The following TMEM268 variants were observed in gnomAD, a reference collection of about 807,000 sequenced individuals.
TMEM268 encodes the protein transmembrane protein 268.
A neutral mutation model predicts 39.1 loss-of-function variants in TMEM268; 24 were observed. The ratio of observed to expected loss-of-function variants is 0.61; its 90% CI spans 0.44 to 0.86. TMEM268 has a LOEUF of 0.86. TMEM268 is among the 40% of genes least tolerant of loss of function. The pLI is 0.00. For missense variants in TMEM268, 409 were observed against 428.6 expected (o/e 0.95, Z 0.40); for synonymous variants, 176 against 173.5 (o/e 1.01, Z -0.12).
intron 5 of TMEM268, among the ~76,000 whole-genome samples, chr9:114,631,318 T>C (rs1846389842): frequency 6.9e-6 from 1 of 144,974 alleles, no homozygotes; most frequent in Non-Finnish European, 1.5e-5. Flanking sequence ...ATTGGCTGGT[T>C]TGTAAAGGCA....
Position 114,628,640 on chromosome 9 carries a change from G to T in TMEM268, c.474+390G>T, listed in dbSNP as rs191573195. Among the ~76,000 whole-genome samples, 202 of 152,246 alleles carry T rather than the reference G, an allele frequency of 1.3e-3. 1 individual carries two copies. The highest frequency in any genetic ancestry group is 6.8e-3 in the Middle Eastern group (2 of 294). Reference sequence around the variant, plus strand: ...ACAGGGTGCCTAAAGTTGACGTCTGGGGAGAGGTAATTTACATTATTCCCT... The same window carrying T: ...ACAGGGTGCCTAAAGTTGACGTCTGTGGAGAGGTAATTTACATTATTCCCT... On this transcript the variant is annotated intron_variant, in intron 5 of 8. Coordinates refer to ENST00000288502, the MANE Select transcript of TMEM268 (RefSeq NM_153045.4).
chr9:114,624,019 A>C (rs1846050196), intron 2 of TMEM268: 1 of 229,564 alleles, frequency 4.4e-6, no homozygotes, highest in Non-Finnish European at 8.7e-6. Context: ...TCTCTGTTTA[A>C]ATATTCCTTG....
chr9:114,625,443 C>CTTT (rs34082825), intron 3 of TMEM268, among the ~76,000 whole-genome samples: 3 of 121,742 alleles, frequency 2.5e-5, no homozygotes, highest in African/African-American at 6.2e-5. Flanking sequence ...ACTTCTTCTT[C>CTTT]TTTTTTTTTT....
At chr9:114,634,649 C>G (rs1376610460) in intron 6 of TMEM268, among the ~76,000 whole-genome samples, 5 of 152,180 alleles carry the variant, frequency 3.3e-5, no homozygotes, top group Admixed American at 2.6e-4. Context: ...AGTCATGGCC[C>G]CTTGCCTGGT....
intron 2 of TMEM268, among the ~76,000 whole-genome samples, chr9:114,619,288 C>T (rs73656159): frequency 0.059 from 6,800 of 115,140 alleles, 261 homozygotes; most frequent in African/African-American, 0.14. Flanking sequence ...CGTGCGTGCA[C>T]GCGTGCACAC....
chr9:114,636,877 C>T, intron 6 of TMEM268, 113 bp from the exon 7 acceptor site: 3 of 676,944 alleles, frequency 4.4e-6, no homozygotes, highest in Admixed American at 2.2e-5. Context: ...TGTCATGGTG[C>T]CAAATGGCAC....
intron 5 of TMEM268, among the ~76,000 whole-genome samples, chr9:114,629,556 C>T (rs910657404): frequency 3.9e-5 from 6 of 152,228 alleles, no homozygotes; most frequent in South Asian, 2.1e-4. Flanking sequence ...TAAATTTCAT[C>T]GGTGGCTTTA....
Position 114,624,465 on chromosome 9 carries a change from T to C in TMEM268, c.216+6T>C, listed in dbSNP as rs1185892164. Reference sequence around the variant, plus strand: ...TGCAAACTTGGGGCATCCAGGTGAGTGCTGATTTCCTTGAATCCCTACCAT... The same window carrying C: ...TGCAAACTTGGGGCATCCAGGTGAGCGCTGATTTCCTTGAATCCCTACCAT... On this transcript the variant is annotated splice_donor_region_variant and intron_variant, in intron 3 of 8. Coordinates refer to ENST00000288502, the MANE Select transcript of TMEM268 (RefSeq NM_153045.4). 6.4e-7 allele frequency: 1 copy of C among 1,564,446 alleles called. No individual in the cohort carries two copies. Among genetic ancestry groups the C allele is most frequent in the Admixed American group, 1.9e-5 (1 of 52,788 alleles).
intron 1 of TMEM268, among the ~76,000 whole-genome samples, chr9:114,614,772 G>T (rs924699136): frequency 6.6e-6 from 1 of 152,214 alleles, no homozygotes; most frequent in African/African-American, 2.4e-5. Context: ...TTGGTGAGGG[G>T]TGATTTTCAG....
upstream of TMEM268, chr9:114,611,095 C>G (rs1485380146): frequency 6.6e-6 from 1 of 152,440 alleles, no homozygotes; most frequent in Non-Finnish European, 1.5e-5. Context: ...AAACCAAACC[C>G]AAGTCCCCAA....
At chr9:114,630,133 T>G (rs914793543) in intron 5 of TMEM268, among the ~76,000 whole-genome samples, 2 of 152,316 alleles carry the variant, frequency 1.3e-5, no homozygotes, top group Admixed American at 1.3e-4. Flanking sequence ...CTGTCTCTTC[T>G]TTCCTCCTTT....
intron 6 of TMEM268, among the ~76,000 whole-genome samples, chr9:114,636,422 C>T (rs1435988082): frequency 6.6e-6 from 1 of 152,164 alleles, no homozygotes; most frequent in African/African-American, 2.4e-5. Context: ...GGTTCGGAGT[C>T]TGTCTGGGAT....
At chr9:114,625,460 T>C (rs1846118614) in intron 3 of TMEM268, among the ~76,000 whole-genome samples, 1 of 146,718 alleles carries the variant, frequency 6.8e-6, no homozygotes, top group African/African-American at 2.5e-5. Flanking sequence ...TTTTTTTTTT[T>C]TCAAGATAGA....
intron 2 of TMEM268, chr9:114,622,007 A>T: frequency 5.1e-6 from 4 of 788,022 alleles, no homozygotes; most frequent in Non-Finnish European, 6.2e-6. Context: ...GTAGGTTTGC[A>T]GCAGAAGCCA....
At chr9:114,640,114 CTT>C (rs11314395) in intron 8 of TMEM268, among the ~76,000 whole-genome samples, 90 of 139,976 alleles carry the variant, frequency 6.4e-4, no homozygotes, top group African/African-American at 2.2e-3. Flanking sequence ...ATCCTATTGA[CTT>C]TTTTTTTTTT....
chr9:114,633,326 T>C (rs1475072264), intron 5 of TMEM268, among the ~76,000 whole-genome samples: 1 of 152,054 alleles, frequency 6.6e-6, no homozygotes, highest in African/African-American at 2.4e-5. Flanking sequence ...CACGCCCAGC[T>C]AATTTTTGTA....
chr9:114,609,500 A>G (rs1193147709), upstream of TMEM268, among the ~76,000 whole-genome samples: 3 of 151,604 alleles, frequency 2.0e-5, no homozygotes, highest in African/African-American at 7.3e-5. Context: ...AAGACCCTGC[A>G]TCTACAAAAC....
At chr9:114,638,161 C>T (rs569575714) in intron 7 of TMEM268, among the ~76,000 whole-genome samples, 10 of 152,262 alleles carry the variant, frequency 6.6e-5, no homozygotes, top group Admixed American at 6.5e-4. Flanking sequence ...CATGCCTCAG[C>T]CTCCTGAGTA....
At chr9:114,610,945 G>A (rs944437391), upstream of TMEM268, among the ~76,000 whole-genome samples, 1 of 152,208 alleles carries the variant, frequency 6.6e-6, no homozygotes, top group Non-Finnish European at 1.5e-5. Flanking sequence ...TCCCCGGCCA[G>A]GTGCGGTGGC....
Sources: gnomAD v4.1 joint callset for allele counts (sites outside exome capture counted in the v4.1 genomes callset) on GRCh38, gnomAD v4.1.1 for gene constraint, MANE v1.5 for transcripts, NCBI Gene and HGNC (gene_info 2026-07-23, HGNC 2026-07-21) for gene names.